Variants in RIN2 observed in about 807,000 individuals in gnomAD.
RIN2 encodes the protein RAB5 interacting protein 2.
In RIN2, 36 loss-of-function variants were observed where a neutral mutation model predicts 78.0. The ratio of observed to expected loss-of-function variants is 0.46; its 90% CI spans 0.35 to 0.61. The LOEUF is 0.61. Ranked by LOEUF, RIN2 falls within the 20% of genes least tolerant of loss-of-function variation. The probability of loss-of-function intolerance (pLI) is 0.00; values close to 1 mark genes in which losing one functional copy is unlikely to be tolerated. For missense variants in RIN2, 1,087 were observed against 1,159.7 expected (o/e 0.94, Z 0.91); for synonymous variants, 466 against 466.8 (o/e 1.00, Z 0.02).
intron 2 of RIN2, among the ~76,000 whole-genome samples, chr20:19,880,392 CTTTTT>C: frequency 1.7e-5 from 1 of 57,388 alleles, no homozygotes; most frequent in Non-Finnish European, 2.9e-5. Flanking sequence ...GGAAGTCATT[CTTTTT>C]TTTTTTTTTT....
At chr20:19,889,361 C>T in intron 2 of RIN2, 1 of 1,237,136 alleles carries the variant, frequency 8.1e-7, no homozygotes, top group Non-Finnish European at 1.0e-6. Context: ...GGGAGGTGGG[C>T]TGGCGAGGTG....
chr20:19,972,413 CGA>C (rs749783071), intron 8 of RIN2, among the ~76,000 whole-genome samples: 4 of 152,022 alleles, frequency 2.6e-5, no homozygotes, highest in Non-Finnish European at 5.9e-5. Flanking sequence ...TGTGCCATGC[CGA>C]GAGAGGTGAA....
chr20:19,914,117 A>C (rs1164619704), intron 3 of RIN2, among the ~76,000 whole-genome samples: 1 of 152,238 alleles, frequency 6.6e-6, no homozygotes, highest in Non-Finnish European at 1.5e-5. Flanking sequence ...TTCAGTGATC[A>C]GACGGGCTTA....
chr20:19,793,112 A>T (rs1254695528), intron 1 of RIN2, among the ~76,000 whole-genome samples: 2 of 152,214 alleles, frequency 1.3e-5, no homozygotes, highest in Non-Finnish European at 2.9e-5. Flanking sequence ...TAGAAATATA[A>T]CATGAGTTGC....
chr20:19,962,871 C>A (rs753227313), intron 6 of RIN2, among the ~76,000 whole-genome samples: 7 of 152,074 alleles, frequency 4.6e-5, no homozygotes, highest in Non-Finnish European at 8.8e-5. Context: ...GCAGGAGAAT[C>A]GCTTGAACCC....
rs574247001 is a variant in RIN2 at position 19,953,431 on chromosome 20, GCTTTT to G, written c.159-3163_159-3159del. Among the ~76,000 whole-genome samples the G allele has an allele frequency of 6.5e-3, 948 of 146,436 alleles. 3 individuals carry two copies. The highest frequency in any genetic ancestry group is 0.013 in the South Asian group (61 of 4,672). ...TTACAGGCGTGAGCCACTGCACCTG[GCTTTT>G]CTTTTCTTTTCTTTTCTTTTTGAGA... On this transcript the variant is annotated intron_variant, in intron 4 of 12. Coordinates refer to ENST00000255006, the MANE Select transcript of RIN2 (RefSeq NM_018993.4).
chr20:19,843,701 A>G (rs1336243341), intron 2 of RIN2, among the ~76,000 whole-genome samples: 1 of 152,184 alleles, frequency 6.6e-6, no homozygotes, highest in South Asian at 2.1e-4. Context: ...AACCAAACCA[A>G]CAGTAACTCC....
chr20:19,931,725 T>TTTTTTC (rs1419865376), intron 3 of RIN2, among the ~76,000 whole-genome samples: 3 of 129,446 alleles, frequency 2.3e-5, no homozygotes, highest in Admixed American at 7.8e-5. Flanking sequence ...TTTTTTTTTT[T>TTTTTTC]CTGCTTTCAA....
At chr20:19,948,290 A>G (rs539878498) in intron 4 of RIN2, among the ~76,000 whole-genome samples, 4 of 152,368 alleles carry the variant, frequency 2.6e-5, no homozygotes, top group African/African-American at 7.2e-5. Context: ...GGGACTTGCC[A>G]TTCATTCTAT....
chr20:19,947,590 C>T (rs1042991173), intron 4 of RIN2, among the ~76,000 whole-genome samples: 11 of 152,194 alleles, frequency 7.2e-5, no homozygotes, highest in African/African-American at 2.7e-4. Context: ...TGATAATTAG[C>T]CCATTGTCTT....
intron 9 of RIN2, among the ~76,000 whole-genome samples, chr20:19,979,522 A>C (rs199582): frequency 0.33 from 50,647 of 151,846 alleles, 9,642 homozygotes; most frequent in Non-Finnish European, 0.44. Flanking sequence ...GTGGTTAGAC[A>C]CCGGAGAGTA....
intron 4 of RIN2, 77 bp from the exon 5 acceptor site, chr20:19,956,538 T>C (rs2041547329): frequency 7.1e-7 from 1 of 1,405,794 alleles, no homozygotes; most frequent in Non-Finnish European, 9.9e-7. Context: ...GCCTGGCCTA[T>C]GAACTTGTAG....
chr20:19,971,391 G>A (rs1019843455), intron 8 of RIN2, among the ~76,000 whole-genome samples: 1 of 152,088 alleles, frequency 6.6e-6, no homozygotes, highest in African/African-American at 2.4e-5. Flanking sequence ...TCCCTTTGCC[G>A]ATGTCCCCTA....
chr20:19,769,397 C>T (rs574520863), intron 1 of RIN2, among the ~76,000 whole-genome samples: 1 of 152,172 alleles, frequency 6.6e-6, no homozygotes, highest in South Asian at 2.1e-4. Context: ...ACACCCTCAC[C>T]ACCCAGGCTA....
At chr20:19,947,531 G>C (rs953392649) in intron 4 of RIN2, among the ~76,000 whole-genome samples, 1 of 152,076 alleles carries the variant, frequency 6.6e-6, no homozygotes, top group African/African-American at 2.4e-5. Context: ...TATGGAACCT[G>C]AGTTCTGCTT....
intron 2 of RIN2, among the ~76,000 whole-genome samples, chr20:19,852,593 C>T (rs1299138239): frequency 6.6e-6 from 1 of 152,158 alleles, no homozygotes; most frequent in Non-Finnish European, 1.5e-5. Context: ...TACAGGAAAA[C>T]ACCTGCCAAA....
chr20:19,762,523 A>T (rs1268612533), intron 1 of RIN2, among the ~76,000 whole-genome samples: 1 of 152,186 alleles, frequency 6.6e-6, no homozygotes, highest in East Asian at 1.9e-4. Context: ...TCATTTAGAG[A>T]TATGTATTAA....
Position 19,844,669 on chromosome 20 carries a change from CCTT to C in RIN2, c.-36-44883_-36-44881del, listed in dbSNP as rs1368765318. Among the ~76,000 whole-genome samples the C allele has an allele frequency of 2.6e-3, 199 of 76,178 alleles. 2 individuals carry two copies. The highest frequency in any genetic ancestry group is 0.011 in the African/African-American group (179 of 16,032). 50.0% of individuals were successfully genotyped at this position (76,178 alleles called of 152,430 possible). A position where few individuals can be genotyped will look rare whatever the true frequency, so the allele number is the denominator to read the frequency against. ...TCTTCTTCTTCTTCTTCTTCTTCTTCCTTCTTCTTCTTCTTCCTCTTCCTCTTC... is the reference window on the plus strand; with the variant it reads ...TCTTCTTCTTCTTCTTCTTCTTCTTCCTTCTTCTTCTTCCTCTTCCTCTTC... On this transcript the variant is annotated intron_variant, in intron 2 of 12. Transcript: ENST00000255006.
At position 19,974,798 on chromosome 20, in the gene RIN2, C is replaced by G; in HGVS notation, c.773C>G (p.Ser258Ter). 6.2e-7 allele frequency: 1 copy of G among 1,614,036 alleles called. No homozygotes were observed. The highest frequency in any genetic ancestry group is 8.5e-7 in the Non-Finnish European group (1 of 1,179,906). The change falls in exon 9 of 13, where the codon TCA becomes TGA. Residue 258 changes from serine (S) to a stop codon, truncating the protein, a stop_gained. Coordinates refer to ENST00000255006, the MANE Select transcript of RIN2 (RefSeq NM_018993.4). LOFTEE classifies it high-confidence loss of function. The stretch of plus-strand genomic sequence containing the variant: ...CATTCTATCAAAACCAGGACGCCTT[C>G]AGAGCTGGAGTGCAGCCAGACCAAC... ...GVHSIKTRTPSELECSQTNGA... is the reference protein window; with the variant it reads ...GVHSIKTRTP
Sources: allele counts gnomAD v4.1 joint callset (sites outside exome capture counted in the v4.1 genomes callset), GRCh38; gene constraint gnomAD v4.1.1; transcripts MANE v1.5; gene names NCBI Gene and HGNC (gene_info 2026-07-23, HGNC 2026-07-21).